Variants in SCHIP1 observed in about 807,000 individuals in gnomAD.
SCHIP1 encodes the protein schwannomin interacting protein 1.
A neutral mutation model predicts 29.7 loss-of-function variants in SCHIP1; 8 were observed. That is an observed-to-expected ratio of 0.27 (90% CI 0.16 to 0.49). The LOEUF is 0.49. Among genes scored for constraint, SCHIP1 ranks in the 20% least tolerant of loss-of-function variants. The pLI, the probability that SCHIP1 is intolerant of heterozygous loss-of-function variation, is 0.99. For missense variants in SCHIP1, 193 were observed against 294.6 expected (o/e 0.66, Z 2.52); for synonymous variants, 76 against 94.9 (o/e 0.80, Z 1.16).
the SCHIP1 span, among the ~76,000 whole-genome samples, chr3:159,699,437 C>A: frequency 6.6e-6 from 1 of 152,128 alleles, no homozygotes; most frequent in African/African-American, 2.4e-5. Context: ...TTGGAGTGAA[C>A]CCAGTAGAAG....
the SCHIP1 span, among the ~76,000 whole-genome samples, chr3:159,435,890 A>G: frequency 6.6e-6 from 1 of 152,044 alleles, no homozygotes; most frequent in African/African-American, 2.4e-5. Context: ...AATCTAACTC[A>G]ATTTCTTTCA....
chr3:159,680,673 TATATATAATATATGTATATATATA>T, the SCHIP1 span, among the ~76,000 whole-genome samples: 1 of 6,980 alleles, frequency 1.4e-4, no homozygotes, highest in African/African-American at 4.3e-4. Flanking sequence ...ATATATATTA[TATATATAATATATGTATATATATA>T]ATATATATTA....
At chr3:159,805,470 GAGTA>G in the SCHIP1 span, among the ~76,000 whole-genome samples, 5 of 152,318 alleles carry the variant, frequency 3.3e-5, no homozygotes, top group African/African-American at 9.6e-5. Flanking sequence ...GTACTTTAAT[GAGTA>G]AGTGAGTTTA....
the SCHIP1 span, among the ~76,000 whole-genome samples, chr3:159,297,397 C>T: frequency 6.6e-6 from 1 of 151,944 alleles, no homozygotes; most frequent in Non-Finnish European, 1.5e-5. Flanking sequence ...AATGGCTATA[C>T]CAATTTACAT....
the SCHIP1 span, among the ~76,000 whole-genome samples, chr3:159,426,821 A>G: frequency 6.6e-6 from 1 of 152,240 alleles, no homozygotes; most frequent in South Asian, 2.1e-4. Flanking sequence ...CAGCACATCA[A>G]AAAGCTTATC....
the SCHIP1 span, among the ~76,000 whole-genome samples, chr3:159,489,899 T>C: frequency 1.1e-3 from 173 of 152,056 alleles, 2 homozygotes; most frequent in African/African-American, 4.0e-3. Flanking sequence ...TTGTATATTT[T>C]TATATGTATG....
the SCHIP1 span, among the ~76,000 whole-genome samples, chr3:159,336,065 G>A: frequency 2.6e-5 from 4 of 152,162 alleles, no homozygotes; most frequent in South Asian, 2.1e-4. Flanking sequence ...ATCTTATTGT[G>A]GTTTTGATTT....
the SCHIP1 span, among the ~76,000 whole-genome samples, chr3:159,804,530 C>T: frequency 1.3e-5 from 2 of 152,288 alleles, no homozygotes; most frequent in East Asian, 3.9e-4. Flanking sequence ...CATTCTGGGT[C>T]CCCTCCCTCT....
chr3:159,687,620 C>T, the SCHIP1 span, among the ~76,000 whole-genome samples: 1 of 152,226 alleles, frequency 6.6e-6, no homozygotes. Context: ...TTTTTATATA[C>T]TGTAAGTTCT....
chr3:159,517,113 A>C, the SCHIP1 span, among the ~76,000 whole-genome samples: 4 of 152,212 alleles, frequency 2.6e-5, no homozygotes, highest in African/African-American at 9.6e-5. Flanking sequence ...CCCCAGAACA[A>C]TGAGTATTGG....
chr3:159,364,900 A>G, the SCHIP1 span, among the ~76,000 whole-genome samples: 1 of 152,212 alleles, frequency 6.6e-6, no homozygotes, highest in Non-Finnish European at 1.5e-5. Context: ...CTGTGTGTGC[A>G]CAGGATTGTT....
the SCHIP1 span, among the ~76,000 whole-genome samples, chr3:159,825,330 C>T: frequency 1.3e-5 from 2 of 152,170 alleles, no homozygotes; most frequent in Non-Finnish European, 2.9e-5. Flanking sequence ...GCAGAGTCAT[C>T]CATGTCCCTG....
chr3:159,520,334 C>A, the SCHIP1 span, among the ~76,000 whole-genome samples: 5 of 152,016 alleles, frequency 3.3e-5, no homozygotes, highest in Non-Finnish European at 7.4e-5. Flanking sequence ...GGCAGATGAG[C>A]AGCAATGACT....
the SCHIP1 span, among the ~76,000 whole-genome samples, chr3:159,815,877 C>T: frequency 3.3e-5 from 5 of 152,142 alleles, no homozygotes; most frequent in South Asian, 4.1e-4. Context: ...ATGCCACCCC[C>T]GTTCTGCAAA....
At chr3:159,659,669 A>T in the SCHIP1 span, among the ~76,000 whole-genome samples, 1 of 152,230 alleles carries the variant, frequency 6.6e-6, no homozygotes, top group Non-Finnish European at 1.5e-5. Flanking sequence ...ATAGTGAACT[A>T]AAAATGTAAA....
chr3:159,717,006 A>T, the SCHIP1 span, among the ~76,000 whole-genome samples: 65 of 152,350 alleles, frequency 4.3e-4, 1 homozygote, highest in African/African-American at 1.6e-3. Flanking sequence ...CTCCTGAGCA[A>T]ATTAAAAGAA....
At chr3:159,745,231 C>G in the SCHIP1 span, among the ~76,000 whole-genome samples, 1 of 152,216 alleles carries the variant, frequency 6.6e-6, no homozygotes, top group Non-Finnish European at 1.5e-5. Flanking sequence ...TTTGATCTTT[C>G]TGCTAAAATC....
At chr3:159,319,997 C>A in the SCHIP1 span, among the ~76,000 whole-genome samples, 1 of 152,140 alleles carries the variant, frequency 6.6e-6, no homozygotes, top group Non-Finnish European at 1.5e-5. Context: ...GTGTTGAAAC[C>A]TAATCAGTAA....
chr3:159,531,419 G>A, the SCHIP1 span, among the ~76,000 whole-genome samples: 1 of 152,136 alleles, frequency 6.6e-6, no homozygotes, highest in African/African-American at 2.4e-5. Flanking sequence ...TCAAACACTT[G>A]CACAGAGGTT....
Sources: gnomAD v4.1 joint callset for allele counts (sites outside exome capture counted in the v4.1 genomes callset) on GRCh38, gnomAD v4.1.1 for gene constraint, MANE v1.5 for transcripts, NCBI Gene and HGNC (gene_info 2026-07-23, HGNC 2026-07-21) for gene names.